PABPC1L: variants seen among roughly 807,000 people sequenced by gnomAD.
PABPC1L encodes polyadenylate-binding protein 1-like.
Under a neutral mutation model 66.6 loss-of-function variants are expected in PABPC1L, and 31 were observed. The observed-to-expected ratio is 0.47, with a 90% CI of 0.35 to 0.63. The LOEUF is 0.63. PABPC1L is among the 20% of genes least tolerant of loss of function. The pLI, the probability that PABPC1L is intolerant of heterozygous loss-of-function variation, is 0.00. For synonymous variants in PABPC1L, 348 were observed against 335.1 expected (o/e 1.04, Z -0.42); for missense variants, 722 against 848.8 (o/e 0.85, Z 1.86).
At chr20:44,915,861 A>C (rs1463101826) in intron 2 of PABPC1L, among the ~76,000 whole-genome samples, 1 of 152,094 alleles carries the variant, frequency 6.6e-6, no homozygotes, top group African/African-American at 2.4e-5. Context: ...GTATTGGCAA[A>C]GTTTAAACAA....
At chr20:44,932,318 T>G (rs762739518) in intron 8 of PABPC1L, 24 bp from the exon 9 acceptor site, 1 of 1,584,898 alleles carries the variant, frequency 6.3e-7, no homozygotes, top group East Asian at 2.3e-5. Flanking sequence ...AGCCCCTCAG[T>G]CTGGGTCTTC....
At chr20:44,920,568 A>G (rs745311027) in intron 5 of PABPC1L, among the ~76,000 whole-genome samples, 6 of 152,094 alleles carry the variant, frequency 3.9e-5, no homozygotes, top group Non-Finnish European at 8.8e-5. Context: ...TCCTGGGTTC[A>G]AGTAATTCTC....
chr20:44,916,547 T>G (rs2066738878), intron 2 of PABPC1L, among the ~76,000 whole-genome samples: 1 of 152,216 alleles, frequency 6.6e-6, no homozygotes, highest in Non-Finnish European at 1.5e-5. Flanking sequence ...GTGCTGGGAT[T>G]ACAGGCATGA....
At chr20:44,913,576 A>T (rs1298895105) in intron 2 of PABPC1L, among the ~76,000 whole-genome samples, 1 of 152,064 alleles carries the variant, frequency 6.6e-6, no homozygotes, top group Non-Finnish European at 1.5e-5. Flanking sequence ...GCGAGCCACC[A>T]TGCCTGGATA....
intron 8 of PABPC1L, among the ~76,000 whole-genome samples, chr20:44,931,051 T>TCCCC (rs1476028138): frequency 1.1e-4 from 1 of 9,128 alleles, no homozygotes; most frequent in Non-Finnish European, 2.5e-4. Flanking sequence ...CTCCCTTCCC[T>TCCCC]TCCCTTCCCT....
In PABPC1L at chr20:44,938,717, A is replaced by G; in HGVS notation, c.1835A>G (p.Glu612Gly). The G allele has an allele frequency of 6.2e-7, 1 of 1,612,070 alleles. No individual in the cohort carries two copies. The highest frequency in any genetic ancestry group is 2.2e-5 in the East Asian group (1 of 44,844). ...GTGCTGCAGGCACACCAGGCTATGG[A>G]GCAGCCGAAGGCGTACATGCACTGA... is the stretch of plus-strand genomic sequence containing the variant. Reference protein sequence around the residue: ...VAVLQAHQAMEQPKAYMH With the variant: ...VAVLQAHQAMGQPKAYMH The change falls in exon 14 of 15, where the codon GAG becomes GGG. Residue 612 changes from glutamate (E) to glycine (G), a missense_variant. Around this residue, in one of 3 missense-constraint regions of PABPC1L, gnomAD observed 301 missense variants for 337.2 expected, o/e 0.89. Transcript: ENST00000217073.
At chr20:44,929,160 G>C (rs1221735053) in intron 7 of PABPC1L, among the ~76,000 whole-genome samples, 1 of 151,826 alleles carries the variant, frequency 6.6e-6, no homozygotes, top group Non-Finnish European at 1.5e-5. Flanking sequence ...TACTTGAGAG[G>C]CTGAGGCAGG....
intron 7 of PABPC1L, among the ~76,000 whole-genome samples, chr20:44,926,434 C>T (rs2066810010): frequency 6.6e-6 from 1 of 151,678 alleles, no homozygotes; most frequent in South Asian, 2.1e-4. Context: ...ACTGTGTTGG[C>T]CGGGCTGGTC....
chr20:44,937,277 G>A (rs757353380), intron 12 of PABPC1L: 14 of 301,184 alleles, frequency 4.6e-5, no homozygotes, highest in Non-Finnish European at 7.2e-5. Flanking sequence ...ACACAAGCTT[G>A]TTCCTGGTTG....
chr20:44,927,284 T>A (rs2066816478), intron 7 of PABPC1L, among the ~76,000 whole-genome samples: 1 of 152,126 alleles, frequency 6.6e-6, no homozygotes, highest in Non-Finnish European at 1.5e-5. Flanking sequence ...TCTGCATAAG[T>A]GTTAGCTTTG....
chr20:44,939,058 CCTT>C (rs2066923368), intron 14 of PABPC1L, 65 bp from the exon 15 acceptor site: 3 of 716,686 alleles, frequency 4.2e-6, no homozygotes, highest in Admixed American at 4.0e-5. Flanking sequence ...GATGTAACCA[CCTT>C]CTTTATTGAA....
intron 12 of PABPC1L, chr20:44,937,803 G>A (rs1043792254): frequency 3.7e-5 from 17 of 458,700 alleles, no homozygotes; most frequent in Non-Finnish European, 5.4e-5. Flanking sequence ...TTCATGGGAC[G>A]ATCCTTTCCG....
chr20:44,916,738 T>C lies in PABPC1L; in HGVS notation c.388-18T>C, dbSNP rs1430447515. The C allele has an allele frequency of 6.2e-7, 1 of 1,612,802 alleles. No individual in the cohort carries two copies. Among genetic ancestry groups the C allele is most frequent in the South Asian group, 1.1e-5 (1 of 91,060 alleles). On this transcript the variant is annotated intron_variant, in intron 2 of 14. Coordinates refer to ENST00000217073, the MANE Select transcript of PABPC1L (RefSeq NM_001372179.1). ...CCCTCTGTCAGTACTCTTCCTGTCC[T>C]TCCTCCCTGTGGCCCAGGTGGCGTG...
chr20:44,932,842 G>T (rs1291217479), intron 9 of PABPC1L: 1 of 573,414 alleles, frequency 1.7e-6, no homozygotes, highest in Non-Finnish European at 3.1e-6. Context: ...GGGGCTCTAG[G>T]TAGACACGAG....
chr20:44,922,438 A>C (rs1180658817), intron 6 of PABPC1L, among the ~76,000 whole-genome samples: 1 of 152,030 alleles, frequency 6.6e-6, no homozygotes, highest in East Asian at 1.9e-4. Context: ...GGGTTTCACC[A>C]TGTTGCCCAG....
Position 44,919,042 on chromosome 20 carries a change from T to G in PABPC1L, c.640T>G (p.Phe214Val), listed in dbSNP as rs1051563060. The G allele has an allele frequency of 1.2e-6, 2 of 1,611,104 alleles. No homozygotes were observed. Residue 214 changes from phenylalanine to valine, a missense_variant, in exon 4 of 15, where the codon TTT becomes GTT. Phe to Val is a conservative substitution (Grantham distance 50). Around this residue, in one of 3 missense-constraint regions of PABPC1L, gnomAD observed 284 missense variants for 294.8 expected, o/e 0.96. Coordinates refer to ENST00000217073, the MANE Select transcript of PABPC1L (RefSeq NM_001372179.1). ...AGGCCTGCAGGACCTCTTCTCCCAGTTTGGTGGGTGTGTCCCCAAGGGAGC... is the reference window on the plus strand; with the variant it reads ...AGGCCTGCAGGACCTCTTCTCCCAGGTTGGTGGGTGTGTCCCCAAGGGAGC... ...EQGLQDLFSQ[F>V]GKMLSVKVMR...
Position 44,935,485 on chromosome 20 carries a change from T to C in PABPC1L, c.1554T>C (p.His518=). The C allele has an allele frequency of 1.2e-6, 2 of 1,614,136 alleles. No homozygotes were observed. The highest frequency in any genetic ancestry group is 2.2e-5 in the South Asian group (2 of 91,076). ...LLPCKCSSAA[H]STYRVQEPAV... ...CGTGCAAATGTTCCTCAGCAGCACATAGCACCTATCGGGTAAGGCCAGCCC... is the reference window on the plus strand; with the variant it reads ...CGTGCAAATGTTCCTCAGCAGCACACAGCACCTATCGGGTAAGGCCAGCCC... The change falls in exon 11 of 15, where the codon CAT becomes CAC. Residue 518 remains histidine (H), a synonymous_variant. Coordinates refer to ENST00000217073, the MANE Select transcript of PABPC1L (RefSeq NM_001372179.1).
chr20:44,935,329 T>C (rs2066892872), intron 10 of PABPC1L, 62 bp from the exon 11 acceptor site: 3 of 1,263,536 alleles, frequency 2.4e-6, no homozygotes, highest in Admixed American at 1.8e-5. Flanking sequence ...TGTTTTGTTT[T>C]GTTTTTGGAT....
intron 14 of PABPC1L, 32 bp downstream of exon 14, chr20:44,938,780 C>G (rs755575558): frequency 3.1e-6 from 5 of 1,589,468 alleles, no homozygotes; most frequent in Non-Finnish European, 3.4e-6. Flanking sequence ...GCAGCTGAGC[C>G]CGGGAGAAGC....
Sources: gnomAD v4.1 joint callset for allele counts (sites outside exome capture counted in the v4.1 genomes callset) on GRCh38, gnomAD v4.1.1 for gene constraint, gnomAD v4.1.1 regional missense constraint, MANE v1.5 for transcripts, NCBI Gene and HGNC (gene_info 2026-07-23, HGNC 2026-07-21) for gene names.